The following CLDN18 variants were observed in gnomAD, a reference collection of about 807,000 sequenced individuals.
CLDN18 encodes claudin-18.
In CLDN18, 20 loss-of-function variants were observed where a neutral mutation model predicts 25.0. That is an observed-to-expected ratio of 0.80 (90% confidence interval 0.56 to 1.16). The LOEUF is 1.16. CLDN18 is among the 50% of genes most tolerant of loss of function. The pLI is 0.00. For synonymous variants in CLDN18, 125 were observed against 135.6 expected, an observed-to-expected ratio of 0.92 and a Z score of 0.54; for missense variants, 297 against 345.4, an observed-to-expected ratio of 0.86 and a Z score of 1.11.
At position 138,023,776 on chromosome 3, in the gene CLDN18, C is replaced by A. The variant is rs151166278; in HGVS notation, c.339C>A (p.Ala113=). 1 of 1,613,954 alleles carries A rather than the reference C, an allele frequency of 6.2e-7. No individual in the cohort carries two copies. Among genetic ancestry groups the A allele is most frequent in the African/African-American group, 1.3e-5 (1 of 74,916 alleles). Residue 113 remains alanine (A), a synonymous_variant, in exon 2 of 5, where the codon GCC becomes GCA. Coordinates refer to ENST00000183605, the MANE Select transcript of CLDN18 (RefSeq NM_016369.4). The part of the protein sequence containing the change: ...CIRIGSMEDS[A]KANMTLTSGI... ...GCATTGGCAGCATGGAGGACTCTGC[C>A]AAAGCCAACATGACACTGACCTCCG...
chr3:138,020,840 A>G, intron 1 of CLDN18, among the ~76,000 whole-genome samples: 1 of 152,240 alleles, frequency 6.6e-6, no homozygotes, highest in East Asian at 1.9e-4. Context: ...ACATTCTGTA[A>G]GAGTATACAG....
intron 3 of CLDN18, among the ~76,000 whole-genome samples, chr3:138,029,162 T>C (rs1318507274): frequency 1.3e-5 from 2 of 152,194 alleles, no homozygotes; most frequent in African/African-American, 2.4e-5. Flanking sequence ...GATTGATTTT[T>C]TTTTTCAGAG....
rs994223037 is a variant in CLDN18 at position 138,031,258 on chromosome 3, C to A, written c.*117C>A. ...GACTCACAGCTGGAAGTTAGAAAAG[C>A]CTCGATTTCATCTTTGGAGAGGCCA... is the stretch of plus-strand genomic sequence containing the variant. On this transcript the variant is annotated 3_prime_UTR_variant, in exon 5 of 5. Coordinates refer to ENST00000183605, the MANE Select transcript of CLDN18 (RefSeq NM_016369.4). The A allele has an allele frequency of 4.3e-6, 4 of 937,290 alleles. No homozygotes were observed. The African/African-American group carries it at 5.0e-5, about 12-fold the overall frequency. 58.1% of individuals were successfully genotyped at this position (937,290 alleles called of 1,614,324 possible).
At chr3:138,002,896 AAAT>A (rs1333842890) in intron 1 of CLDN18, among the ~76,000 whole-genome samples, 1 of 152,232 alleles carries the variant, frequency 6.6e-6, no homozygotes, top group African/African-American at 2.4e-5. Context: ...ACACACATGG[AAAT>A]AATAAGGAAA....
At chr3:138,002,491 G>A (rs1942029606) in intron 1 of CLDN18, among the ~76,000 whole-genome samples, 1 of 152,180 alleles carries the variant, frequency 6.6e-6, no homozygotes, top group Admixed American at 6.5e-5. Context: ...ATTAGCAGTT[G>A]AGGATGTCAT....
intron 1 of CLDN18, among the ~76,000 whole-genome samples, chr3:138,013,074 G>A (rs1483249902): frequency 2.0e-5 from 3 of 152,194 alleles, no homozygotes; most frequent in Non-Finnish European, 4.4e-5. Flanking sequence ...ATTTAGCAAA[G>A]GATTGATAAA....
At chr3:138,021,485 G>A (rs1278462255) in intron 1 of CLDN18, among the ~76,000 whole-genome samples, 1 of 152,004 alleles carries the variant, frequency 6.6e-6, no homozygotes, top group African/African-American at 2.4e-5. Context: ...TTAGGGTTTT[G>A]TTTCTCCTTT....
intron 2 of CLDN18, among the ~76,000 whole-genome samples, chr3:138,024,037 G>A (rs569517608): frequency 1.1e-4 from 16 of 152,120 alleles, no homozygotes; most frequent in Non-Finnish European, 2.4e-4. Flanking sequence ...TTAGCTGGGT[G>A]CAGTGGTTCA....
At position 138,023,772 on chromosome 3, in the gene CLDN18, C is replaced by T. The variant is rs1186121523; in HGVS notation, c.335C>T (p.Ser112Phe). 1 of 1,614,116 alleles carries T rather than the reference C, an allele frequency of 6.2e-7. No homozygotes were observed. The highest frequency in any genetic ancestry group is 2.2e-5 in the East Asian group (1 of 44,878). Residue 112 changes from serine (S) to phenylalanine (F), a missense_variant, in exon 2 of 5, where the codon TCT becomes TTT. Coordinates refer to ENST00000183605, the MANE Select transcript of CLDN18 (RefSeq NM_016369.4). ...ATCCGCATTGGCAGCATGGAGGACT[C>T]TGCCAAAGCCAACATGACACTGACC... ...KCIRIGSMEDSAKANMTLTSG... is the reference protein window; with the variant it reads ...KCIRIGSMEDFAKANMTLTSG...
rs1225377853 is a variant in CLDN18 at position 138,031,034 on chromosome 3, G to A, written c.679G>A (p.Ala227Thr). The A allele has an allele frequency of 1.9e-6, 3 of 1,614,150 alleles. No individual in the cohort carries two copies. The highest frequency in any genetic ancestry group is 3.3e-5 in the Admixed American group (2 of 60,028). Residue 227 changes from alanine to threonine, a missense_variant, in exon 5 of 5, where the codon GCC becomes ACC. Physicochemically the swap from Ala to Thr is moderately conservative, Grantham distance 58. Coordinates refer to ENST00000183605, the MANE Select transcript of CLDN18 (RefSeq NM_016369.4). ...SVAYKPGGFK[A>T]STGFGSNTKN... ...TGCCTACAAGCCTGGAGGCTTCAAGGCCAGCACTGGCTTTGGGTCCAACAC... is the reference window on the plus strand; with the variant it reads ...TGCCTACAAGCCTGGAGGCTTCAAGACCAGCACTGGCTTTGGGTCCAACAC...
At chr3:138,025,972 C>T (rs1332346689) in intron 3 of CLDN18, among the ~76,000 whole-genome samples, 1 of 152,208 alleles carries the variant, frequency 6.6e-6, no homozygotes, top group Non-Finnish European at 1.5e-5. Flanking sequence ...CACAGGCAGG[C>T]AGCTTCAGTC....
At chr3:138,017,621 T>C (rs1942221675) in intron 1 of CLDN18, among the ~76,000 whole-genome samples, 1 of 152,240 alleles carries the variant, frequency 6.6e-6, no homozygotes, top group Non-Finnish European at 1.5e-5. Context: ...ATGGTTTCAC[T>C]GGTTGCGAAA....
intron 1 of CLDN18, among the ~76,000 whole-genome samples, chr3:138,015,715 CA>C (rs1559805389): frequency 2.0e-5 from 3 of 152,158 alleles, no homozygotes; most frequent in Admixed American, 1.3e-4. Context: ...GGCAACAGAG[CA>C]AGATCTCACC....
At chr3:138,023,016 T>C (rs536035046) in intron 1 of CLDN18, among the ~76,000 whole-genome samples, 9 of 152,382 alleles carry the variant, frequency 5.9e-5, no homozygotes, top group South Asian at 2.1e-4. Flanking sequence ...GCTGATAAAC[T>C]GTAGTCTAGA....
chr3:138,006,647 A>AT (rs34944041), upstream of CLDN18, among the ~76,000 whole-genome samples: 301 of 152,254 alleles, frequency 2.0e-3, 2 homozygotes, highest in African/African-American at 6.6e-3. Context: ...ACCCCCATTC[A>AT]TTTTTTGGCA....
intron 1 of CLDN18, among the ~76,000 whole-genome samples, chr3:138,017,015 C>T (rs1397077962): frequency 3.3e-5 from 5 of 151,134 alleles, no homozygotes; most frequent in Admixed American, 3.3e-4. Flanking sequence ...GAGATCGCGC[C>T]ACTGCACTCC....
At chr3:138,001,513 C>G (rs1279920911) in intron 1 of CLDN18, among the ~76,000 whole-genome samples, 2 of 152,004 alleles carry the variant, frequency 1.3e-5, no homozygotes, top group Admixed American at 1.3e-4. Context: ...TGAGCCACCG[C>G]GCCCGGCAAC....
intron 1 of CLDN18, among the ~76,000 whole-genome samples, chr3:138,020,670 T>A (rs1232320458): frequency 1.3e-5 from 2 of 152,228 alleles, no homozygotes; most frequent in African/African-American, 4.8e-5. Flanking sequence ...CCAGGACTGC[T>A]GGAGGAGATG....
intron 3 of CLDN18, among the ~76,000 whole-genome samples, chr3:138,026,600 G>A (rs1052212720): frequency 5.3e-5 from 8 of 152,102 alleles, no homozygotes; most frequent in Middle Eastern, 3.4e-3. Flanking sequence ...AGCCGAGATC[G>A]CACCACTGCA....
Sources: gnomAD v4.1 joint callset for allele counts (sites outside exome capture counted in the v4.1 genomes callset) on GRCh38, gnomAD v4.1.1 for gene constraint, MANE v1.5 for transcripts, NCBI Gene and HGNC (gene_info 2026-07-23, HGNC 2026-07-21) for gene names.